MTX2: variants seen among roughly 807,000 people sequenced by gnomAD.
The protein encoded by MTX2 is metaxin 2.
Under a neutral mutation model 42.3 loss-of-function variants are expected in MTX2, and 35 were observed. The observed-to-expected ratio is 0.83, with a 90% CI of 0.63 to 1.10. MTX2 has a LOEUF of 1.10. MTX2 is among the 50% of genes least tolerant of loss of function. The pLI, the probability that MTX2 is intolerant of heterozygous loss-of-function variation, is 0.00. For synonymous variants in MTX2, 119 were observed against 100.9 expected, an observed-to-expected ratio of 1.18 and a Z score of -1.08; for missense variants, 307 against 304.1, an observed-to-expected ratio of 1.01 and a Z score of -0.07.
At chr2:176,318,212 T>C (rs1684492762) in intron 3 of MTX2, among the ~76,000 whole-genome samples, 1 of 152,166 alleles carries the variant, frequency 6.6e-6, no homozygotes, top group Non-Finnish European at 1.5e-5. Flanking sequence ...TAGTCCTTCA[T>C]GTTTAACCAG....
Position 176,269,539 on chromosome 2 carries a change from C to T in MTX2, c.-91C>T. ...GAGTCTGAACGTTGGCGGGGCTAGGCTCGTTAACTGCCGAGAGCCTCCGGG... is the reference window on the plus strand; with the variant it reads ...GAGTCTGAACGTTGGCGGGGCTAGGTTCGTTAACTGCCGAGAGCCTCCGGG... On this transcript the variant is annotated 5_prime_UTR_variant, in exon 1 of 10. Coordinates refer to ENST00000249442, the MANE Select transcript of MTX2 (RefSeq NM_006554.5). 7.1e-7 allele frequency: 1 copy of T among 1,410,548 alleles called. No individual in the cohort carries two copies. Among genetic ancestry groups the T allele is most frequent in the Non-Finnish European group, 9.5e-7 (1 of 1,052,784 alleles). The allele number at this position is 1,410,548 out of a possible 1,614,324, so 87.4% of individuals were successfully genotyped here.
intron 1 of MTX2, among the ~76,000 whole-genome samples, chr2:176,281,086 G>T (rs1459318178): frequency 6.6e-6 from 1 of 152,204 alleles, no homozygotes; most frequent in African/African-American, 2.4e-5. Flanking sequence ...AGTAAAAAGT[G>T]TGTCTGGTTA....
intron 3 of MTX2, 89 bp from the exon 4 acceptor site, chr2:176,323,303 A>G (rs1342008798): frequency 9.3e-7 from 1 of 1,074,886 alleles, no homozygotes; most frequent in Non-Finnish European, 1.4e-6. Flanking sequence ...GTATGAAACT[A>G]TTCAGTTTAG....
intron 3 of MTX2, among the ~76,000 whole-genome samples, chr2:176,319,842 G>A (rs1243971853): frequency 6.6e-6 from 1 of 152,040 alleles, no homozygotes; most frequent in African/African-American, 2.4e-5. Context: ...CCAAAGTGCT[G>A]CGATTATAGG....
chr2:176,274,989 A>G (rs573612335), intron 1 of MTX2, among the ~76,000 whole-genome samples: 4 of 152,244 alleles, frequency 2.6e-5, no homozygotes, highest in African/African-American at 9.6e-5. Context: ...TAGAAAGGGA[A>G]TTTTGGCAAG....
chr2:176,315,976 G>A (rs1684425672), intron 3 of MTX2, among the ~76,000 whole-genome samples: 1 of 152,056 alleles, frequency 6.6e-6, no homozygotes, highest in Admixed American at 6.6e-5. Flanking sequence ...CATATTTTCT[G>A]GTTTATTTGC....
intron 3 of MTX2, among the ~76,000 whole-genome samples, chr2:176,317,472 A>G (rs988137027): frequency 3.3e-5 from 5 of 152,136 alleles, no homozygotes; most frequent in African/African-American, 7.2e-5. Context: ...GGCTTTCCTC[A>G]AGTATCTATT....
At chr2:176,302,399 C>G (rs1426178523) in intron 3 of MTX2, among the ~76,000 whole-genome samples, 1 of 151,974 alleles carries the variant, frequency 6.6e-6, no homozygotes, top group Non-Finnish European at 1.5e-5. Context: ...TATTTTATTT[C>G]TGTTGAATGT....
chr2:176,270,431 C>T (rs1306075034), intron 1 of MTX2: 6 of 1,351,938 alleles, frequency 4.4e-6, no homozygotes, highest in Non-Finnish European at 5.9e-6. Context: ...TTTGTAATTT[C>T]TCTTATTGAG....
In MTX2 at chr2:176,337,733, G is replaced by A; in HGVS notation, c.*69G>A. ...TTACTTGAATGTTACATTAGATATTGGTGTCAGAATTTTAAAACCAAATTA... is the reference window on the plus strand; with the variant it reads ...TTACTTGAATGTTACATTAGATATTAGTGTCAGAATTTTAAAACCAAATTA... On this transcript the variant is annotated 3_prime_UTR_variant, in exon 10 of 10. Coordinates refer to ENST00000249442, the MANE Select transcript of MTX2 (RefSeq NM_006554.5). 1 of 1,390,808 alleles carries A rather than the reference G, an allele frequency of 7.2e-7. No homozygotes were observed. Among genetic ancestry groups the A allele is most frequent in the Non-Finnish European group, 9.6e-7 (1 of 1,044,304 alleles). The allele number at this position is 1,390,808 out of a possible 1,614,324, so 86.2% of individuals were successfully genotyped here.
chr2:176,269,732 C>G lies in MTX2; in HGVS notation c.40+63C>G, dbSNP rs1318256663. 3 of 1,533,776 alleles carry G rather than the reference C, an allele frequency of 2.0e-6. No individual in the cohort carries two copies. The Admixed American group carries it at 5.9e-5, about 30-fold the overall frequency. The stretch of plus-strand genomic sequence containing the variant: ...CGGTCTCGGGGAGCCGCGTGGGGTA[C>G]AGGGCTGGAGCTTTCCTCCAGCCTT... On this transcript the variant is annotated intron_variant, in intron 1 of 9. Coordinates refer to ENST00000249442, the MANE Select transcript of MTX2 (RefSeq NM_006554.5).
intron 1 of MTX2, among the ~76,000 whole-genome samples, chr2:176,288,814 A>G (rs993557752): frequency 3.3e-5 from 5 of 151,926 alleles, no homozygotes; most frequent in African/African-American, 1.2e-4. Context: ...AGAAGGCAGA[A>G]CTTAAAGAAA....
chr2:176,317,708 C>A (rs575423413), intron 3 of MTX2, among the ~76,000 whole-genome samples: 3 of 152,126 alleles, frequency 2.0e-5, no homozygotes, highest in South Asian at 4.2e-4. Flanking sequence ...GGAGAGGGAT[C>A]CTGTGTGAAC....
rs1524080 is a variant in MTX2 at position 176,333,817 on chromosome 2, T to A, written c.620+3157T>A. Among the ~76,000 whole-genome samples the A allele has an allele frequency of 2.1e-4, 31 of 150,894 alleles. No homozygotes were observed. The South Asian group carries it at 5.4e-3, about 26-fold the overall frequency. On this transcript the variant is annotated intron_variant, in intron 9 of 9. Coordinates refer to ENST00000249442, the MANE Select transcript of MTX2 (RefSeq NM_006554.5). ...TGTGTTACAGTTGCCTACAGTATTC[T>A]GTTTGGCAATGTGCTGTATAGGTTT...
chr2:176,272,794 A>AG (rs1385688017), intron 1 of MTX2, among the ~76,000 whole-genome samples: 1 of 152,168 alleles, frequency 6.6e-6, no homozygotes, highest in Non-Finnish European at 1.5e-5. Context: ...TAGAGGGTGG[A>AG]GGAACTATAT....
intron 1 of MTX2, among the ~76,000 whole-genome samples, chr2:176,290,260 C>A (rs1035991326): frequency 8.6e-5 from 13 of 151,974 alleles, no homozygotes; most frequent in African/African-American, 2.7e-4. Context: ...CTGGTTGATA[C>A]AAGGGTCATG....
chr2:176,287,605 TG>T (rs1575036949), intron 1 of MTX2, among the ~76,000 whole-genome samples: 1 of 152,168 alleles, frequency 6.6e-6, no homozygotes, highest in Non-Finnish European at 1.5e-5. Context: ...CAAGCAATAA[TG>T]GATATACAGT....
At chr2:176,316,022 A>G (rs1684428814) in intron 3 of MTX2, among the ~76,000 whole-genome samples, 1 of 152,200 alleles carries the variant, frequency 6.6e-6, no homozygotes, top group African/African-American at 2.4e-5. Context: ...AAACCCCATA[A>G]GGACTAAGAC....
intron 9 of MTX2, among the ~76,000 whole-genome samples, chr2:176,333,892 A>T (rs2105449303): frequency 6.6e-6 from 1 of 151,862 alleles, no homozygotes; most frequent in South Asian, 2.1e-4. Flanking sequence ...GTATAGCACC[A>T]TCTAGGTTTG....
Sources: allele counts gnomAD v4.1 joint callset (sites outside exome capture counted in the v4.1 genomes callset), GRCh38; gene constraint gnomAD v4.1.1; transcripts MANE v1.5; gene names NCBI Gene and HGNC (gene_info 2026-07-23, HGNC 2026-07-21).